The following RSPH6A variants were observed in gnomAD, a reference collection of about 807,000 sequenced individuals.
RSPH6A encodes radial spoke head 6 homolog A.
RSPH6A carries 49 observed loss-of-function variants against 66.1 expected under a neutral mutation model. The observed-to-expected ratio is 0.74, with a 90% CI of 0.59 to 0.94. The LOEUF (loss-of-function observed/expected upper bound fraction) is 0.94, where lower values mean the gene tolerates loss of function less well. Ranked by LOEUF, RSPH6A falls within the 40% of genes least tolerant of loss-of-function variation. The probability of loss-of-function intolerance (pLI) is 0.00; values close to 1 mark genes in which losing one functional copy is unlikely to be tolerated. For missense variants in RSPH6A, 977 were observed against 948.3 expected (o/e 1.03, Z -0.40); for synonymous variants, 419 against 402.4 (o/e 1.04, Z -0.49).
chr19:45,806,223 G>C (rs541575467), intron 2 of RSPH6A, among the ~76,000 whole-genome samples: 2 of 152,082 alleles, frequency 1.3e-5, no homozygotes, highest in Non-Finnish European at 2.9e-5. Context: ...CATCTATACC[G>C]TGTGCTTGAT....
chr19:45,808,659 T>TATC (rs1970578977), intron 2 of RSPH6A, among the ~76,000 whole-genome samples: 1 of 2,942 alleles, frequency 3.4e-4, no homozygotes, highest in African/African-American at 6.9e-3. Flanking sequence ...AAACTTATCT[T>TATC]TTTTTTTTTT....
Position 45,799,522 on chromosome 19 carries a change from C to T in RSPH6A, c.1916+924G>A, listed in dbSNP as rs115127448. Among the ~76,000 whole-genome samples the T allele has an allele frequency of 2.8e-3, 426 of 152,100 alleles. 2 individuals are homozygous for T. Among genetic ancestry groups the T allele is most frequent in the African/African-American group, 9.5e-3 (395 of 41,482 alleles). On this transcript the variant is annotated intron_variant, in intron 5 of 5. Coordinates refer to ENST00000221538, the MANE Select transcript of RSPH6A (RefSeq NM_030785.4). ...GACTCTGTAGTCCGTGCCATCATGC[C>T]GGGCTGATTTTAAAAATTTTTTTAA...
At position 45,804,677 on chromosome 19, in the gene RSPH6A, G is replaced by T. The variant is rs1417403434; in HGVS notation, c.1228C>A (p.Pro410Thr). 6.2e-7 allele frequency: 1 copy of T among 1,613,786 alleles called. No homozygotes were observed. The highest frequency in any genetic ancestry group is 8.5e-7 in the Non-Finnish European group (1 of 1,180,006). The change falls in exon 3 of 6, where the codon CCG becomes ACG. Residue 410 changes from proline (P) to threonine (T), a missense_variant. By Grantham distance (38) the Pro-to-Thr change is conservative. Transcript: ENST00000221538. The surrounding 1 kb of genome is among the most constrained non-coding windows in gnomAD (Gnocchi z 5.8). The part of the protein sequence containing the change: ...VDIVPKSVWK[P>T]PPVIPKEESR... ...TCCTCCTTGGGGATCACGGGCGGCG[G>T]CTTCCATACGGACTTAGGGACGATG...
chr19:45,803,492 C>G (rs566642108), intron 3 of RSPH6A, among the ~76,000 whole-genome samples: 2 of 152,072 alleles, frequency 1.3e-5, no homozygotes, highest in South Asian at 4.1e-4. Context: ...GCCTGACCAA[C>G]ATGAAGAAAC....
Position 45,795,968 on chromosome 19 carries a change from C to T in RSPH6A, c.2055G>A (p.Glu685=). The part of the protein sequence containing the change: ...IMEMSDPTVE[E]EQALKAAQEQ... Reference sequence around the variant, plus strand: ...CCTGGGCTGCTTTCAGAGCCTGCTCCTCTTCCACTGTGGGGTCACTCATCT... The same window carrying T: ...CCTGGGCTGCTTTCAGAGCCTGCTCTTCTTCCACTGTGGGGTCACTCATCT... Residue 685 remains glutamate (E), a synonymous_variant, in exon 6 of 6, where the codon GAG becomes GAA. Transcript: ENST00000221538. 6.2e-7 allele frequency: 1 copy of T among 1,613,822 alleles called. No homozygotes were observed. Among genetic ancestry groups the T allele is most frequent in the Non-Finnish European group, 8.5e-7 (1 of 1,179,976 alleles).
intron 2 of RSPH6A, among the ~76,000 whole-genome samples, chr19:45,808,452 G>T (rs935950544): frequency 6.6e-6 from 1 of 151,372 alleles, no homozygotes; most frequent in Non-Finnish European, 1.5e-5. Flanking sequence ...AATTAGCCAG[G>T]CATGGTGGCG....
chr19:45,805,077 C>T (rs1387010422), intron 2 of RSPH6A, 61 bp from the exon 3 acceptor site: 58 of 1,376,828 alleles, frequency 4.2e-5, no homozygotes, highest in Non-Finnish European at 1.6e-5. Context: ...CCTAGCCTAC[C>T]TCTTCCAGAC....
At chr19:45,806,696 A>G in intron 2 of RSPH6A, among the ~76,000 whole-genome samples, 1 of 147,738 alleles carries the variant, frequency 6.8e-6, no homozygotes, top group East Asian at 2.0e-4. Context: ...AAAAAAAAAA[A>G]AAAAAAAAAA....
rs1398208864 is a variant in RSPH6A at position 45,815,235 on chromosome 19, AGAGCCACCTGTC to A, written c.-71_-60del. The A allele has an allele frequency of 2.1e-6, 3 of 1,463,094 alleles. No individual in the cohort carries two copies. Among genetic ancestry groups the A allele is most frequent in the African/African-American group, 1.4e-5 (1 of 70,460 alleles). 90.6% of individuals were successfully genotyped at this position (1,463,094 alleles called of 1,614,324 possible). ...GGCTTGCAGACAAGGAGGCCAAGCG[AGAGCCACCTGTC>A]GACACCGCCGGTTTCTGAGCACCGA... On this transcript the variant is annotated 5_prime_UTR_variant, in exon 1 of 6. Transcript: ENST00000221538.
chr19:45,811,501 G>A (rs113736886), intron 1 of RSPH6A, among the ~76,000 whole-genome samples: 2,277 of 150,558 alleles, frequency 0.015, 24 homozygotes, highest in Middle Eastern at 0.036. Context: ...GCAGTGGCAC[G>A]ACCTCAGCTC....
At chr19:45,797,824 C>A (rs1049682807) in intron 5 of RSPH6A, among the ~76,000 whole-genome samples, 1 of 151,960 alleles carries the variant, frequency 6.6e-6, no homozygotes, top group African/African-American at 2.4e-5. Context: ...GCTGAGATCA[C>A]ACCACTGTAC....
chr19:45,810,241 C>T lies in RSPH6A; in HGVS notation c.888+362G>A, dbSNP rs912168842. ...CTGGAGTGCAGTGGTGTGATCTCGG[C>T]TCACTGCCAAGCTCCGCCTCCTGGG... On this transcript the variant is annotated intron_variant, in intron 2 of 5. Coordinates refer to ENST00000221538, the MANE Select transcript of RSPH6A (RefSeq NM_030785.4). Among the ~76,000 whole-genome samples the T allele has an allele frequency of 1.4e-4, 5 of 34,862 alleles. No homozygotes were observed. The East Asian group carries it at 3.1e-3, about 22-fold the overall frequency. 22.9% of individuals were successfully genotyped at this position (34,862 alleles called of 152,430 possible).
At chr19:45,801,716 C>T (rs1970476272) in intron 4 of RSPH6A, among the ~76,000 whole-genome samples, 1 of 152,078 alleles carries the variant, frequency 6.6e-6, no homozygotes, top group Admixed American at 6.6e-5. Flanking sequence ...GCCAAGATTG[C>T]ACCACTACAC....
chr19:45,814,428 G>A, intron 1 of RSPH6A, 99 bp downstream of exon 1: 1 of 1,127,348 alleles, frequency 8.9e-7, no homozygotes, highest in African/African-American at 1.6e-5. Flanking sequence ...GGTTTTCCAT[G>A]AGGGATGATC....
At chr19:45,803,395 A>T (rs890748979) in intron 3 of RSPH6A, among the ~76,000 whole-genome samples, 2 of 151,426 alleles carry the variant, frequency 1.3e-5, no homozygotes, top group Non-Finnish European at 2.9e-5. Flanking sequence ...AGAAAAAAAA[A>T]GCTGGGCATG....
intron 1 of RSPH6A, 92 bp from the exon 2 acceptor site, chr19:45,810,932 G>T: frequency 9.9e-7 from 1 of 1,008,274 alleles, no homozygotes; most frequent in Non-Finnish European, 1.5e-6. Context: ...GCCTGGTGCT[G>T]GGGACACAGT....
chr19:45,804,177 G>A lies in RSPH6A; in HGVS notation c.1653+75C>T, dbSNP rs1970508505. On this transcript the variant is annotated intron_variant, in intron 3 of 5. Transcript: ENST00000221538. This position sits in a 1 kb window ranked among gnomAD's most constrained non-coding sequence, Gnocchi z 5.8. ...GTTGCCCAGCAGAGAGTAAGAGCTTGATGTCAGTATTGCAGGGTCATGCGT... is the reference window on the plus strand; with the variant it reads ...GTTGCCCAGCAGAGAGTAAGAGCTTAATGTCAGTATTGCAGGGTCATGCGT... 8.6e-7 allele frequency: 1 copy of A among 1,160,956 alleles called. No individual in the cohort carries two copies. The highest frequency in any genetic ancestry group is 2.2e-5 in the Admixed American group (1 of 46,024). The allele number at this position is 1,160,956 out of a possible 1,614,324, so 71.9% of individuals were successfully genotyped here.
At chr19:45,799,293 G>A (rs1286769295) in intron 5 of RSPH6A, among the ~76,000 whole-genome samples, 3 of 152,356 alleles carry the variant, frequency 2.0e-5, no homozygotes, top group East Asian at 3.9e-4. Context: ...AGGTGCCTGC[G>A]GGGGAAGGCT....
rs1970458150 is a variant in RSPH6A, at chr19:45,800,546, G to A, written c.1816C>T (p.Pro606Ser). The A allele has an allele frequency of 6.2e-7, 1 of 1,611,788 alleles. No individual in the cohort carries two copies. The highest frequency in any genetic ancestry group is 8.5e-7 in the Non-Finnish European group (1 of 1,179,314). Residue 606 changes from proline (P) to serine (S), a missense_variant, in exon 5 of 6, where the codon CCC becomes TCC. Coordinates refer to ENST00000221538, the MANE Select transcript of RSPH6A (RefSeq NM_030785.4). Reference protein sequence around the residue: ...SEDAEIMHLAPWTTRLSCSLC... With the variant: ...SEDAEIMHLASWTTRLSCSLC... ...CTGCAGGACAGGCGGGTGGTCCAGG[G>A]TGCCAGGTGCATGATTTCTGTGGTG... is the stretch of plus-strand genomic sequence containing the variant.
Sources: allele counts gnomAD v4.1 joint callset (sites outside exome capture counted in the v4.1 genomes callset), GRCh38; gene constraint gnomAD v4.1.1; non-coding constraint Gnocchi (gnomAD v3.1); transcripts MANE v1.5; gene names NCBI Gene and HGNC (gene_info 2026-07-23, HGNC 2026-07-21).